Variants in INTS6 observed in about 807,000 individuals in gnomAD.
INTS6 encodes the protein DEAD box protein.
INTS6 carries 16 observed loss-of-function variants against 104.9 expected under a neutral mutation model. That is an observed-to-expected ratio of 0.15 (90% CI 0.10 to 0.23). The LOEUF is 0.23. Among genes scored for constraint, INTS6 ranks in the 10% least tolerant of loss-of-function variants. The probability of loss-of-function intolerance (pLI) is 1.00; values close to 1 mark genes in which losing one functional copy is unlikely to be tolerated. For missense variants in INTS6, 584 were observed against 1,062.8 expected, an observed-to-expected ratio of 0.55 and a Z score of 6.26; for synonymous variants, 324 against 358.7, an observed-to-expected ratio of 0.90 and a Z score of 1.09.
rs1196089456 is a variant in INTS6 at position 51,364,047 on chromosome 13, C to G, written c.*1705G>C. ...AATCTAAATATATATAATTTAGGAACAGACAATATATTCTGGATTTTGTGT... is the reference window on the plus strand; with the variant it reads ...AATCTAAATATATATAATTTAGGAAGAGACAATATATTCTGGATTTTGTGT... On this transcript the variant is annotated 3_prime_UTR_variant, in exon 18 of 18. Transcript: ENST00000311234. 3 of 363,992 alleles carry G rather than the reference C, an allele frequency of 8.2e-6. No individual in the cohort carries two copies. The highest frequency in any genetic ancestry group is 1.5e-5 in the Non-Finnish European group (3 of 205,924). 22.5% of individuals were successfully genotyped at this position (363,992 alleles called of 1,614,324 possible).
chr13:51,432,029 T>C (rs1957100887), intron 3 of INTS6, among the ~76,000 whole-genome samples: 1 of 152,100 alleles, frequency 6.6e-6, no homozygotes, highest in South Asian at 2.1e-4. Context: ...ACTCTTAGCT[T>C]TGATTGTTTC....
At chr13:51,382,906 G>C (rs1956078801) in intron 9 of INTS6, among the ~76,000 whole-genome samples, 1 of 151,854 alleles carries the variant, frequency 6.6e-6, no homozygotes, top group Non-Finnish European at 1.5e-5. Context: ...GTGAAACCCT[G>C]TCTCTACTAA....
Position 51,354,591 on chromosome 13 carries a change from G to GA in INTS6, n.431-256dup, listed in dbSNP as rs11318595. ...GGCAACATAGGGAGACCCCATCTCA[G>GA]AAAAAAAAAAAAAAGTGTTTAAAAA... On this transcript the variant is annotated intron_variant and non_coding_transcript_variant, in intron 3 of 3. Transcript: ENST00000476666. 4.0e-3 allele frequency among the ~76,000 whole-genome samples: 524 copies of GA among 129,914 alleles called. 2 individuals are homozygous for GA. Among genetic ancestry groups the GA allele is most frequent in the South Asian group, 0.012 (53 of 4,264 alleles). 85.2% of individuals were successfully genotyped at this position (129,914 alleles called of 152,430 possible).
intron 9 of INTS6, among the ~76,000 whole-genome samples, chr13:51,382,723 TCTAA>T (rs1415034251): frequency 6.6e-6 from 1 of 152,218 alleles, no homozygotes; most frequent in Non-Finnish European, 1.5e-5. Flanking sequence ...CATTACCAAT[TCTAA>T]CTGTTAGAAA....
intron 3 of INTS6, chr13:51,446,410 G>C (rs1325488212): frequency 6.6e-6 from 1 of 152,164 alleles, no homozygotes; most frequent in Non-Finnish European, 1.5e-5. Flanking sequence ...AGAAAATTGT[G>C]TTAGTGAAGA....
chr13:51,404,103 C>CACACACACACAGAG lies in INTS6; in HGVS notation c.430-8621_430-8620insCTCTGTGTGTGTGT, dbSNP rs1491389220. Among the ~76,000 whole-genome samples, 110 of 103,950 alleles carry CACACACACACAGAG rather than the reference C, an allele frequency of 1.1e-3. 1 individual carries two copies. Among genetic ancestry groups the CACACACACACAGAG allele is most frequent in the African/African-American group, 2.6e-3 (67 of 25,400 alleles). The allele number at this position is 103,950 out of a possible 152,430, so 68.2% of individuals were successfully genotyped here. On this transcript the variant is annotated intron_variant, in intron 4 of 17. Coordinates refer to ENST00000311234, the MANE Select transcript of INTS6 (RefSeq NM_012141.3). ...ACACACACACACACACACACACACA[C>CACACACACACAGAG]AGAGAGAGAGAGAGAGAGAGACAAC...
At chr13:51,356,699 T>C (rs1955487042), downstream of INTS6, among the ~76,000 whole-genome samples, 1 of 152,082 alleles carries the variant, frequency 6.6e-6, no homozygotes, top group South Asian at 2.1e-4. Context: ...CCCCTATTGG[T>C]AAAGGCTTCC....
chr13:51,334,761 C>A, the INTS6 span, among the ~76,000 whole-genome samples: 4 of 151,946 alleles, frequency 2.6e-5, no homozygotes, highest in African/African-American at 9.7e-5. Flanking sequence ...GCAGGTGGAT[C>A]ACCTGAGGTC....
chr13:51,339,773 A>T, the INTS6 span: 2 of 152,244 alleles, frequency 1.3e-5, no homozygotes, highest in African/African-American at 4.8e-5. Context: ...GAGGTGAGCC[A>T]TGACAGGGAT....
chr13:51,345,436 T>C, the INTS6 span, among the ~76,000 whole-genome samples: 398 of 151,748 alleles, frequency 2.6e-3, 1 homozygote, highest in Non-Finnish European at 4.5e-3. Context: ...CTACTAAAAA[T>C]ACAAAAAATT....
intron 3 of INTS6, chr13:51,449,445 A>G: frequency 1.0e-6 from 1 of 982,486 alleles, no homozygotes; most frequent in Non-Finnish European, 1.2e-6. Context: ...AAATGTCCTC[A>G]GCCTCTCCAT....
chr13:51,407,284 T>TA (rs1199448746), intron 4 of INTS6, among the ~76,000 whole-genome samples: 1 of 152,154 alleles, frequency 6.6e-6, no homozygotes, highest in African/African-American at 2.4e-5. Context: ...GCTGAATGAA[T>TA]ACATGGATGG....
the INTS6 span, among the ~76,000 whole-genome samples, chr13:51,347,624 TTCAGTTATCCGCA>T: frequency 6.6e-6 from 1 of 152,172 alleles, no homozygotes; most frequent in Non-Finnish European, 1.5e-5. Flanking sequence ...TTTTTGAGGT[TTCAGTTATCCGCA>T]TCAGAAAATA....
chr13:51,422,958 CTG>C, intron 4 of INTS6: 1 of 772,572 alleles, frequency 1.3e-6, no homozygotes, highest in Non-Finnish European at 1.8e-6. Flanking sequence ...TTTCTTTACG[CTG>C]TCTCAGAACC....
chr13:51,337,211 C>T, the INTS6 span, among the ~76,000 whole-genome samples: 1 of 152,218 alleles, frequency 6.6e-6, no homozygotes, highest in Admixed American at 6.5e-5. Context: ...TGTACAACCC[C>T]AGACAGGCAG....
At chr13:51,357,293 AAT>A (rs1323210449), downstream of INTS6, among the ~76,000 whole-genome samples, 2 of 152,206 alleles carry the variant, frequency 1.3e-5, no homozygotes, top group African/African-American at 4.8e-5. Flanking sequence ...CTCTCCAACA[AAT>A]AGTTTCCTCA....
At chr13:51,407,121 G>A (rs1593719935) in intron 4 of INTS6, among the ~76,000 whole-genome samples, 1 of 150,450 alleles carries the variant, frequency 6.6e-6, no homozygotes. Flanking sequence ...CCCTCTGTCT[G>A]GTACAATCCT....
chr13:51,356,570 TACTG>T (rs1287930302), downstream of INTS6, among the ~76,000 whole-genome samples: 3 of 152,142 alleles, frequency 2.0e-5, no homozygotes, highest in East Asian at 1.9e-4. Flanking sequence ...CACTAGGGCT[TACTG>T]ACTGTCCCTT....
chr13:51,451,244 G>T, intron 2 of INTS6, 70 bp from the exon 3 acceptor site: 1 of 1,280,218 alleles, frequency 7.8e-7, no homozygotes, highest in Non-Finnish European at 1.0e-6. Flanking sequence ...GTTATAATCT[G>T]ACGTTCACCA....
Sources: allele counts gnomAD v4.1 joint callset (sites outside exome capture counted in the v4.1 genomes callset), GRCh38; gene constraint gnomAD v4.1.1; transcripts MANE v1.5; gene names NCBI Gene and HGNC (gene_info 2026-07-23, HGNC 2026-07-21).